RBFOX1: variants seen among roughly 807,000 people sequenced by gnomAD.
The protein encoded by RBFOX1 is RNA binding protein fox-1 homolog 1.
RBFOX1 carries 8 observed loss-of-function variants against 57.7 expected under a neutral mutation model. The observed-to-expected ratio is 0.14, with a 90% CI of 0.08 to 0.25. The LOEUF is 0.25. RBFOX1 is among the 10% of genes least tolerant of loss of function. The probability of loss-of-function intolerance (pLI) is 1.00; values close to 1 mark genes in which losing one functional copy is unlikely to be tolerated. For missense variants in RBFOX1, 611 were observed against 548.5 expected (o/e 1.11, Z -1.14); for synonymous variants, 326 against 222.4 (o/e 1.47, Z -4.15).
chr16:7,254,275 A>G (rs1322061779), intron 4 of RBFOX1, among the ~76,000 whole-genome samples: 1 of 152,178 alleles, frequency 6.6e-6, no homozygotes, highest in East Asian at 1.9e-4. Flanking sequence ...ACCACTCCAT[A>G]AAGAAATTCT....
At chr16:7,637,601 A>G (rs1290616367) in intron 11 of RBFOX1, among the ~76,000 whole-genome samples, 8 of 152,220 alleles carry the variant, frequency 5.3e-5, no homozygotes, top group Non-Finnish European at 5.9e-5. Context: ...TCTGCACAAT[A>G]CAGAAAATGT....
intron 4 of RBFOX1, among the ~76,000 whole-genome samples, chr16:7,232,535 G>A (rs1021084524): frequency 2.6e-5 from 4 of 152,050 alleles, no homozygotes; most frequent in African/African-American, 9.7e-5. Context: ...ATTTAATGGT[G>A]TTCTTTTAAA....
chr16:5,974,378 G>T (rs1249722861), intron 4 of RBFOX1, among the ~76,000 whole-genome samples: 1 of 152,156 alleles, frequency 6.6e-6, no homozygotes, highest in African/African-American at 2.4e-5. Flanking sequence ...GGAGGCCGAG[G>T]CGGGTAGATC....
At chr16:7,186,646 C>G (rs551653185) in intron 4 of RBFOX1, among the ~76,000 whole-genome samples, 2 of 145,068 alleles carry the variant, frequency 1.4e-5, no homozygotes, top group Admixed American at 1.4e-4. Context: ...TATTTATATA[C>G]ACATTTATAT....
chr16:6,410,785 G>C (rs2093434982), intron 2 of RBFOX1, among the ~76,000 whole-genome samples: 1 of 152,196 alleles, frequency 6.6e-6, no homozygotes, highest in Non-Finnish European at 1.5e-5. Flanking sequence ...GGAACATGCT[G>C]TGTAGGCTGT....
At chr16:6,927,020 A>G (rs909237847) in intron 3 of RBFOX1, among the ~76,000 whole-genome samples, 1 of 152,022 alleles carries the variant, frequency 6.6e-6, no homozygotes, top group African/African-American at 2.4e-5. Context: ...TCAACCAGCG[A>G]TTACTATTAA....
chr16:7,214,646 C>G (rs1050933935), intron 4 of RBFOX1, among the ~76,000 whole-genome samples: 1 of 152,076 alleles, frequency 6.6e-6, no homozygotes, highest in African/African-American at 2.4e-5. Flanking sequence ...CTACTTAAAA[C>G]TCTTCTGTGG....
chr16:7,068,648 G>A (rs901394635), intron 4 of RBFOX1, among the ~76,000 whole-genome samples: 2 of 152,136 alleles, frequency 1.3e-5, no homozygotes, highest in Non-Finnish European at 2.9e-5. Context: ...GTGCAATGGT[G>A]CAATCTCAGT....
intron 2 of RBFOX1, among the ~76,000 whole-genome samples, chr16:5,552,467 G>A (rs926889895): frequency 1.3e-5 from 2 of 152,212 alleles, no homozygotes; most frequent in African/African-American, 4.8e-5. Context: ...CATGTTTCAG[G>A]TGAGAAAACT....
intron 3 of RBFOX1, among the ~76,000 whole-genome samples, chr16:5,856,195 A>ATATATATATATATATATG (rs2057035426): frequency 1.7e-5 from 1 of 60,246 alleles, no homozygotes; most frequent in African/African-American, 5.6e-5. Flanking sequence ...CTCTATATAT[A>ATATATATATATATATATG]TATATATATA....
intron 4 of RBFOX1, among the ~76,000 whole-genome samples, chr16:5,879,939 G>A (rs62017079): frequency 2.6e-5 from 4 of 152,150 alleles, no homozygotes; most frequent in Admixed American, 6.5e-5. Flanking sequence ...CTCACAGTCC[G>A]CCAGCTAGAA....
At chr16:5,719,781 G>C (rs185607914) in intron 3 of RBFOX1, among the ~76,000 whole-genome samples, 16 of 152,224 alleles carry the variant, frequency 1.1e-4, no homozygotes, top group Non-Finnish European at 2.2e-4. Context: ...TGTATGGATA[G>C]ACCCCATTTT....
chr16:6,528,442 T>G (rs1289877804), intron 2 of RBFOX1, among the ~76,000 whole-genome samples: 1 of 152,176 alleles, frequency 6.6e-6, no homozygotes, highest in Non-Finnish European at 1.5e-5. Context: ...TGACCTTGAC[T>G]TTCTCCTGTT....
At position 7,597,385 on chromosome 16, in the gene RBFOX1, A is replaced by T. The variant is rs769265490; in HGVS notation, c.576A>T (p.Thr192=). Reference sequence around the variant, plus strand: ...TATGTACATAGGTAAATAATGCCACAGCACGTGTAATGACAAATAAAAAGA... The same window carrying T: ...TATGTACATAGGTAAATAATGCCACTGCACGTGTAATGACAAATAAAAAGA... The part of the protein sequence containing the change: ...EGRKIEVNNA[T]ARVMTNKKTV... Residue 192 remains threonine, a synonymous_variant, in exon 9 of 16, where the codon ACA becomes ACT. Coordinates refer to ENST00000550418, the MANE Select transcript of RBFOX1 (RefSeq NM_018723.4). The T allele has an allele frequency of 6.8e-6, 11 of 1,610,632 alleles. No homozygotes were observed. In the Admixed American group the frequency reaches 1.7e-4, roughly 25 times the overall value.
chr16:6,350,469 A>AAAAAAAAAAAAAAAAAAAG (rs2086156125), intron 2 of RBFOX1, among the ~76,000 whole-genome samples: 1 of 60,286 alleles, frequency 1.7e-5, no homozygotes, highest in Non-Finnish European at 3.8e-5. Context: ...AAAAAAAAAA[A>AAAAAAAAAAAAAAAAAAAG]AAAAAAAAAA....
chr16:7,070,280 C>T (rs1458611433), intron 4 of RBFOX1, among the ~76,000 whole-genome samples: 1 of 152,160 alleles, frequency 6.6e-6, no homozygotes, highest in African/African-American at 2.4e-5. Context: ...ATACTTGCCT[C>T]AGTGTGGTTT....
At chr16:5,586,491 A>G (rs1343891614) in intron 2 of RBFOX1, among the ~76,000 whole-genome samples, 1 of 151,990 alleles carries the variant, frequency 6.6e-6, no homozygotes, top group Non-Finnish European at 1.5e-5. Context: ...TATTATCCCT[A>G]ATTTTATTTG....
intron 4 of RBFOX1, among the ~76,000 whole-genome samples, chr16:7,340,806 A>G (rs561852660): frequency 6.6e-6 from 1 of 152,336 alleles, no homozygotes; most frequent in African/African-American, 2.4e-5. Context: ...TTTTAAATTA[A>G]GAGATTAAAG....
chr16:6,190,664 CA>C (rs1205756296), intron 1 of RBFOX1, among the ~76,000 whole-genome samples: 1 of 152,114 alleles, frequency 6.6e-6, no homozygotes, highest in Non-Finnish European at 1.5e-5. Flanking sequence ...ACACAGCCAC[CA>C]ATTTCCCCTC....
Sources: allele counts gnomAD v4.1 joint callset (sites outside exome capture counted in the v4.1 genomes callset), GRCh38; gene constraint gnomAD v4.1.1; transcripts MANE v1.5; gene names NCBI Gene and HGNC (gene_info 2026-07-23, HGNC 2026-07-21).